TULP4: variants seen among roughly 807,000 people sequenced by gnomAD.
TULP4 encodes the protein tubby-related protein 4.
In TULP4, 16 loss-of-function variants were observed where a neutral mutation model predicts 129.0. That is an observed-to-expected ratio of 0.12 (90% CI 0.08 to 0.19). The LOEUF (loss-of-function observed/expected upper bound fraction) is 0.19. TULP4 is among the 10% of genes least tolerant of loss of function. The pLI is 1.00. For synonymous variants in TULP4, 998 were observed against 854.0 expected, an observed-to-expected ratio of 1.17 and a Z score of -2.94; for missense variants, 1,842 against 2,059.1, an observed-to-expected ratio of 0.89 and a Z score of 2.04.
chr6:158,314,336 A>T, intron 1 of TULP4, 68 bp downstream of exon 1: 1 of 1,552,014 alleles, frequency 6.4e-7, no homozygotes. Flanking sequence ...TGTGGACTTG[A>T]AACTTCCTTC....
chr6:158,394,786 CAAAAA>C (rs71030166), intron 1 of TULP4, among the ~76,000 whole-genome samples: 115 of 46,000 alleles, frequency 2.5e-3, no homozygotes, highest in African/African-American at 0.012. Flanking sequence ...GGCTCTGTCT[CAAAAA>C]AAAAAAAAAA....
chr6:158,243,847 G>T (rs908685649), intron 1 of TULP4, among the ~76,000 whole-genome samples: 1 of 143,510 alleles, frequency 7.0e-6, no homozygotes, highest in Non-Finnish European at 1.5e-5. Flanking sequence ...AGCTGAAATA[G>T]GTGTGTGTGT....
At chr6:158,404,351 C>T (rs563115482) in intron 1 of TULP4, among the ~76,000 whole-genome samples, 1 of 152,192 alleles carries the variant, frequency 6.6e-6, no homozygotes, top group South Asian at 2.1e-4. Flanking sequence ...TTGAAGTGTT[C>T]CATGGAGATG....
intron 6 of TULP4, among the ~76,000 whole-genome samples, chr6:158,472,809 G>C (rs1488657458): frequency 1.3e-5 from 2 of 152,214 alleles, no homozygotes; most frequent in Admixed American, 6.5e-5. Context: ...AGCAATGCTT[G>C]TGGCTGGAGC....
At chr6:158,238,419 T>G (rs898916331) in intron 1 of TULP4, 14 of 482,536 alleles carry the variant, frequency 2.9e-5, no homozygotes, top group African/African-American at 1.4e-4. Flanking sequence ...TAAATTGTTT[T>G]TTTTTTTTTT....
rs1049108775 is a variant in TULP4 at position 158,397,408 on chromosome 6, C to G, written c.253-15657C>G. On this transcript the variant is annotated intron_variant, in intron 1 of 13. Transcript: ENST00000367097. ...AAATCTCTGCCTGAGTGTCCATTCTCCCTCTTCCTGGTACTGCAGAAGAGG... is the reference window on the plus strand; with the variant it reads ...AAATCTCTGCCTGAGTGTCCATTCTGCCTCTTCCTGGTACTGCAGAAGAGG... Among the ~76,000 whole-genome samples the G allele has an allele frequency of 4.6e-5, 7 of 152,198 alleles. No homozygotes were observed. In the South Asian group the frequency reaches 1.0e-3, roughly 23 times the overall value.
chr6:158,446,862 T>C (rs920238487), intron 3 of TULP4, among the ~76,000 whole-genome samples: 1 of 152,210 alleles, frequency 6.6e-6, no homozygotes, highest in African/African-American at 2.4e-5. Flanking sequence ...TCTCATACTC[T>C]TCTTATATGG....
At chr6:158,443,261 C>T (rs930679469) in intron 3 of TULP4, among the ~76,000 whole-genome samples, 6 of 151,978 alleles carry the variant, frequency 3.9e-5, no homozygotes, top group Non-Finnish European at 8.8e-5. Flanking sequence ...GGATTATAGA[C>T]GTGAGCCACC....
intron 12 of TULP4, among the ~76,000 whole-genome samples, chr6:158,501,424 TAGA>T (rs1256789111): frequency 6.6e-6 from 1 of 152,200 alleles, no homozygotes; most frequent in African/African-American, 2.4e-5. Flanking sequence ...GTGCCAAGTT[TAGA>T]AGGTTCAAAA....
chr6:158,270,477 T>A (rs746879852), intron 1 of TULP4, among the ~76,000 whole-genome samples: 4 of 152,196 alleles, frequency 2.6e-5, no homozygotes, highest in Non-Finnish European at 4.4e-5. Flanking sequence ...GGGACTGGAC[T>A]TCGATGAGTT....
intron 1 of TULP4, among the ~76,000 whole-genome samples, chr6:158,339,651 A>G (rs1018325032): frequency 1.3e-5 from 2 of 152,134 alleles, no homozygotes; most frequent in Non-Finnish European, 2.9e-5. Context: ...TATTTCTCTT[A>G]CCCATTTTTG....
chr6:158,242,419 C>T (rs888283058), intron 1 of TULP4: 42 of 1,253,138 alleles, frequency 3.4e-5, no homozygotes, highest in African/African-American at 5.9e-5. Context: ...GAGTTTCGGA[C>T]GAGATCTCTT....
At chr6:158,249,333 T>C (rs186491155) in intron 1 of TULP4, among the ~76,000 whole-genome samples, 21 of 145,166 alleles carry the variant, frequency 1.4e-4, no homozygotes, top group African/African-American at 5.2e-4. Context: ...ATTTGAAATG[T>C]TTGGGGGTAA....
intron 1 of TULP4, among the ~76,000 whole-genome samples, chr6:158,386,234 C>T (rs1441065126): frequency 1.3e-5 from 2 of 152,056 alleles, no homozygotes; most frequent in African/African-American, 4.8e-5. Context: ...ATTCATAACT[C>T]TCAGATCAGA....
At position 158,314,148 on chromosome 6, in the gene TULP4, C is replaced by G; in HGVS notation, c.132C>G (p.Gly44=). 1 of 1,614,188 alleles carries G rather than the reference C, an allele frequency of 6.2e-7. No individual in the cohort carries two copies. Among genetic ancestry groups the G allele is most frequent in the Non-Finnish European group, 8.5e-7 (1 of 1,180,038 alleles). ...PVCRRRYYEE[G]WLATGNGRGV... is the part of the protein sequence containing the mutation. ...GCAGGAGACGCTACTATGAGGAAGG[C>G]TGGCTGGCCACGGGCAACGGGCGAG... The change falls in exon 1 of 14, where the codon GGC becomes GGG. Residue 44 remains glycine, a synonymous_variant. Transcript: ENST00000367097.
intron 1 of TULP4, among the ~76,000 whole-genome samples, chr6:158,244,740 C>G (rs1294957782): frequency 6.6e-6 from 1 of 152,118 alleles, no homozygotes; most frequent in East Asian, 1.9e-4. Context: ...GCCTGTAGTC[C>G]TAGCACTTTG....
intron 6 of TULP4, among the ~76,000 whole-genome samples, chr6:158,469,427 C>T (rs1779624498): frequency 6.6e-6 from 1 of 152,050 alleles, no homozygotes; most frequent in African/African-American, 2.4e-5. Flanking sequence ...GTGTGTGCCA[C>T]CACACTGGCT....
chr6:158,507,697 A>G lies in TULP4; in HGVS notation c.*1003A>G, dbSNP rs1427777534. 1.3e-5 allele frequency: 2 copies of G among 152,204 alleles called. No homozygotes were observed. Among genetic ancestry groups the G allele is most frequent in the South Asian group, 2.1e-4 (1 of 4,826 alleles). 9.4% of individuals were successfully genotyped at this position (152,204 alleles called of 1,614,324 possible). A position where few individuals can be genotyped will look rare whatever the true frequency, so the allele number is the denominator to read the frequency against. On this transcript the variant is annotated 3_prime_UTR_variant, in exon 14 of 14. Coordinates refer to ENST00000367097, the MANE Select transcript of TULP4 (RefSeq NM_020245.5). The stretch of plus-strand genomic sequence containing the variant: ...TAATCTGGAATGCATTACTGTAAAC[A>G]TGATCTTTCCCATGAGATACCATGT...
At chr6:158,293,889 A>G (rs1346566115) in intron 1 of TULP4, among the ~76,000 whole-genome samples, 1 of 152,220 alleles carries the variant, frequency 6.6e-6, no homozygotes. Context: ...GCGTTTGTCA[A>G]TAGCCACATA....
Sources: allele counts gnomAD v4.1 joint callset (sites outside exome capture counted in the v4.1 genomes callset), GRCh38; gene constraint gnomAD v4.1.1; transcripts MANE v1.5; gene names NCBI Gene and HGNC (gene_info 2026-07-23, HGNC 2026-07-21).